The following TFEB variants were observed in gnomAD, a reference collection of about 807,000 sequenced individuals.
The protein encoded by TFEB is T-cell transcription factor EB.
Under a neutral mutation model 48.0 loss-of-function variants are expected in TFEB, and 12 were observed. The ratio of observed to expected loss-of-function variants is 0.25; its 90% CI spans 0.16 to 0.40. The LOEUF (loss-of-function observed/expected upper bound fraction) is 0.40. TFEB is among the 10% of genes least tolerant of loss of function. The pLI, the probability that TFEB is intolerant of heterozygous loss-of-function variation, is 1.00. For missense variants in TFEB, 509 were observed against 640.3 expected (o/e 0.79, Z 2.21); for synonymous variants, 244 against 261.4 (o/e 0.93, Z 0.64).
chr6:41,715,255 G>A (rs894365608), intron 1 of TFEB, among the ~76,000 whole-genome samples: 15 of 152,156 alleles, frequency 9.9e-5, no homozygotes, highest in African/African-American at 3.6e-4. Context: ...AGCTTAGGGA[G>A]AGCTAGGACC....
intron 1 of TFEB, among the ~76,000 whole-genome samples, chr6:41,725,346 G>A (rs1327063679): frequency 1.3e-5 from 2 of 152,182 alleles, no homozygotes; most frequent in African/African-American, 4.8e-5. Context: ...TACTGCCCTA[G>A]AAGCACCTAA....
chr6:41,687,493 A>C (rs1769071807), intron 6 of TFEB, among the ~76,000 whole-genome samples: 1 of 152,206 alleles, frequency 6.6e-6, no homozygotes, highest in Non-Finnish European at 1.5e-5. Context: ...CCCAGAAAAC[A>C]ACCTGATAAA....
intron 4 of TFEB, chr6:41,688,307 G>C (rs879393484): frequency 1.8e-4 from 66 of 366,242 alleles, no homozygotes; most frequent in Non-Finnish European, 3.0e-4. Context: ...CATTATGGAA[G>C]CCCTAGAGCA....
At chr6:41,700,241 C>T (rs1383473161) in intron 1 of TFEB, among the ~76,000 whole-genome samples, 3 of 151,556 alleles carry the variant, frequency 2.0e-5, no homozygotes, top group Admixed American at 6.6e-5. Context: ...CTGAGGCGGG[C>T]GGATCACAAG....
intron 1 of TFEB, among the ~76,000 whole-genome samples, chr6:41,714,859 G>A (rs1335005473): frequency 6.6e-6 from 1 of 152,172 alleles, no homozygotes; most frequent in African/African-American, 2.4e-5. Flanking sequence ...ATACAGGTTG[G>A]CACTCCTCCG....
intron 1 of TFEB, among the ~76,000 whole-genome samples, chr6:41,698,214 TGCTGAAGGTCACAGA>T (rs1769710846): frequency 6.6e-6 from 1 of 152,188 alleles, no homozygotes; most frequent in Admixed American, 6.5e-5. Flanking sequence ...GGTGGTCACT[TGCTGAAGGTCACAGA>T]GCTAATGAGT....
chr6:41,706,995 A>T (rs940080771), intron 1 of TFEB, among the ~76,000 whole-genome samples: 1 of 152,038 alleles, frequency 6.6e-6, no homozygotes, highest in African/African-American at 2.4e-5. Flanking sequence ...AGCATCGGGA[A>T]GTCTGCTCTT....
chr6:41,709,529 GTGGATGGATGGATGGA>G (rs10604830), intron 1 of TFEB, among the ~76,000 whole-genome samples: 1 of 149,330 alleles, frequency 6.7e-6, no homozygotes, highest in African/African-American at 2.5e-5. Flanking sequence ...ATAATGGTTG[GTGGATGGATGGATGGA>G]TGGATGGATG....
chr6:41,721,035 C>T (rs1018269152), intron 1 of TFEB, among the ~76,000 whole-genome samples: 1 of 151,712 alleles, frequency 6.6e-6, no homozygotes, highest in African/African-American at 2.4e-5. Flanking sequence ...GCCCCCAGGA[C>T]CCAGGCCAAC....
intron 1 of TFEB, 189 bp downstream of exon 1, chr6:41,735,161 G>C: frequency 1.1e-6 from 1 of 942,866 alleles, no homozygotes; most frequent in Non-Finnish European, 1.3e-6. Context: ...GCGCCGCTCG[G>C]GCCACGCGCT....
At position 41,723,479 on chromosome 6, in the gene TFEB, CT is replaced by C. The variant is rs1581931113; in HGVS notation, c.-23+11870del. 1 of 1,289,552 alleles carries C rather than the reference CT, an allele frequency of 7.8e-7. No individual in the cohort carries two copies. The highest frequency in any genetic ancestry group is 1.0e-6 in the Non-Finnish European group (1 of 988,790). The allele number at this position is 1,289,552 out of a possible 1,614,324, so 79.9% of individuals were successfully genotyped here. ...CTCATACCTTCGAGAGGGCAGCCCC[CT>C]GGAAGGAGGCCCCTGGAATGCTCAG... On this transcript the variant is annotated intron_variant, in intron 1 of 8. Coordinates refer to ENST00000373033, the MANE Select transcript of TFEB (RefSeq NM_001271944.2). This position sits in a 1 kb window ranked among gnomAD's most constrained non-coding sequence, Gnocchi z 6.0.
At chr6:41,702,529 TG>T (rs1377758188) in intron 1 of TFEB, among the ~76,000 whole-genome samples, 1 of 152,114 alleles carries the variant, frequency 6.6e-6, no homozygotes, top group African/African-American at 2.4e-5. Flanking sequence ...AAACTCCACT[TG>T]CCCCAAGTAC....
In TFEB at chr6:41,723,646, G is replaced by A. The variant is rs761019673; in HGVS notation, c.-23+11704C>T. The A allele has an allele frequency of 3.6e-6, 3 of 841,308 alleles. No homozygotes were observed. The highest frequency in any genetic ancestry group is 4.9e-6 in the Non-Finnish European group (3 of 616,752). 52.1% of individuals were successfully genotyped at this position (841,308 alleles called of 1,614,324 possible). On this transcript the variant is annotated intron_variant, in intron 1 of 8. Coordinates refer to ENST00000373033, the MANE Select transcript of TFEB (RefSeq NM_001271944.2). This position sits in a 1 kb window ranked among gnomAD's most constrained non-coding sequence, Gnocchi z 6.0. ...GAAGTTGCACAATCCCCTGGGAGCTGCAAATGCGGCCGAGGATTACTCACA... is the reference window on the plus strand; with the variant it reads ...GAAGTTGCACAATCCCCTGGGAGCTACAAATGCGGCCGAGGATTACTCACA...
intron 1 of TFEB, among the ~76,000 whole-genome samples, chr6:41,711,894 C>T (rs1010315291): frequency 6.6e-6 from 1 of 152,184 alleles, no homozygotes; most frequent in Non-Finnish European, 1.5e-5. Flanking sequence ...AGCTCAGAGG[C>T]CTCTTCAGGC....
At chr6:41,689,891 C>T in intron 3 of TFEB, 80 bp from the exon 4 acceptor site, 1 of 1,123,408 alleles carries the variant, frequency 8.9e-7, no homozygotes, top group Non-Finnish European at 1.3e-6. Flanking sequence ...AACCACTGAC[C>T]TGGAGGGACC....
At chr6:41,714,133 A>ATGTGTGCGTG (rs1306315086) in intron 1 of TFEB, among the ~76,000 whole-genome samples, 1 of 116,832 alleles carries the variant, frequency 8.6e-6, no homozygotes, top group Non-Finnish European at 1.7e-5. Flanking sequence ...GTGCGTGTGC[A>ATGTGTGCGTG]TGTGTGCGTG....
chr6:41,716,430 G>A (rs1426878314), intron 1 of TFEB, among the ~76,000 whole-genome samples: 4 of 152,158 alleles, frequency 2.6e-5, no homozygotes, highest in African/African-American at 7.2e-5. Context: ...CCTATCTGAT[G>A]AGCACCTTCA....
At chr6:41,726,983 C>A (rs1169694733) in intron 1 of TFEB, among the ~76,000 whole-genome samples, 2 of 152,130 alleles carry the variant, frequency 1.3e-5, no homozygotes, top group Non-Finnish European at 2.9e-5. Flanking sequence ...TAGGGAGGGT[C>A]CCTTCCCCCA....
At chr6:41,716,918 G>A (rs1158446445) in intron 1 of TFEB, among the ~76,000 whole-genome samples, 1 of 152,152 alleles carries the variant, frequency 6.6e-6, no homozygotes, top group Non-Finnish European at 1.5e-5. Flanking sequence ...CCTAACTGCT[G>A]TGTTGATGGA....
Sources: allele counts gnomAD v4.1 joint callset (sites outside exome capture counted in the v4.1 genomes callset), GRCh38; gene constraint gnomAD v4.1.1; non-coding constraint Gnocchi (gnomAD v3.1); transcripts MANE v1.5; gene names NCBI Gene and HGNC (gene_info 2026-07-23, HGNC 2026-07-21).